Variants in C9 observed in about 807,000 individuals in gnomAD.
The protein encoded by C9 is complement component C9.
A neutral mutation model predicts 65.4 loss-of-function variants in C9; 63 were observed. The ratio of observed to expected loss-of-function variants is 0.96; its 90% CI spans 0.79 to 1.19. The LOEUF (loss-of-function observed/expected upper bound fraction) is 1.19, where lower values mean the gene tolerates loss of function less well. Among genes scored for constraint, C9 ranks in the 50% most tolerant of loss-of-function variants. C9 has a pLI of 0.00. For synonymous variants in C9, 229 were observed against 227.9 expected, an observed-to-expected ratio of 1.00 and a Z score of -0.04; for missense variants, 744 against 670.1, an observed-to-expected ratio of 1.11 and a Z score of -1.22.
At chr5:39,318,102 T>A (rs542943272) in intron 5 of C9, among the ~76,000 whole-genome samples, 3 of 152,218 alleles carry the variant, frequency 2.0e-5, no homozygotes, top group Admixed American at 2.0e-4. Context: ...ATGGGTTTTT[T>A]TTTTAGCAAT....
chr5:39,296,619 A>T lies in C9; in HGVS notation c.1417-7668T>A, dbSNP rs1753189945. Among the ~76,000 whole-genome samples, 4 of 151,774 alleles carry T rather than the reference A, an allele frequency of 2.6e-5. No homozygotes were observed. The South Asian group carries it at 8.3e-4, about 31-fold the overall frequency. On this transcript the variant is annotated intron_variant, in intron 9 of 10. Transcript: ENST00000263408. ...GCATTTATCCAAAGGAAAGAAAATA[A>T]GTATATAAAAGAGACATCCGCACCC...
At chr5:39,330,895 A>G (rs1335772584) in intron 5 of C9, among the ~76,000 whole-genome samples, 2 of 152,242 alleles carry the variant, frequency 1.3e-5, no homozygotes, top group African/African-American at 2.4e-5. Flanking sequence ...TTAAAAGCAT[A>G]CACATTTTTC....
intron 4 of C9, 103 bp from the exon 5 acceptor site, chr5:39,331,917 G>A (rs1011270160): frequency 3.6e-5 from 34 of 948,046 alleles, no homozygotes; most frequent in East Asian, 2.6e-4. Flanking sequence ...TCATGTCACC[G>A]TCACCCAATA....
rs760551649 is a variant in C9, at chr5:39,364,439, AC to A, written c.25del (p.Val9LeufsTer6). On this transcript the variant is annotated frameshift_variant, in exon 1 of 11. Coordinates refer to ENST00000263408, the MANE Select transcript of C9 (RefSeq NM_001737.5). LOFTEE classifies it high-confidence loss of function. Reference protein sequence around the residue: MSACRSFAVAICILEISIL... With the variant: MSACRSFAXAICILEISIL... ...GCTTATTTCTAAAATGCAGATTGCA[AC>A]TGCAAAGCTCCGGCAGGCTGACATG... is the stretch of plus-strand genomic sequence containing the variant. The A allele has an allele frequency of 1.2e-6, 2 of 1,609,276 alleles. No individual in the cohort carries two copies. The highest frequency in any genetic ancestry group is 2.2e-5 in the South Asian group (2 of 90,946).
chr5:39,328,951 T>A (rs887670486), intron 5 of C9, among the ~76,000 whole-genome samples: 1 of 152,180 alleles, frequency 6.6e-6, no homozygotes, highest in Non-Finnish European at 1.5e-5. Flanking sequence ...TTTGGCAGGA[T>A]TGGGGCGAAA....
chr5:39,317,268 T>C (rs551657310), intron 5 of C9, among the ~76,000 whole-genome samples: 1 of 152,278 alleles, frequency 6.6e-6, no homozygotes, highest in Admixed American at 6.5e-5. Context: ...GATGGATAGA[T>C]TGCAAAAATT....
rs773916123 is a variant in C9, at chr5:39,364,382, A to T, written c.77+6T>A. On this transcript the variant is annotated splice_donor_region_variant and intron_variant, in intron 1 of 10. Transcript: ENST00000263408. The stretch of plus-strand genomic sequence containing the variant: ...CCAGAGACAAGCAGAAAAGTAACTG[A>T]CTCACCTGGTCGTGTACTGTGCTGT... The T allele has an allele frequency of 1.3e-6, 2 of 1,546,260 alleles. No individual in the cohort carries two copies. The highest frequency in any genetic ancestry group is 1.8e-6 in the Non-Finnish European group (2 of 1,118,098).
chr5:39,289,836 T>G (rs1753056947), intron 9 of C9, among the ~76,000 whole-genome samples: 1 of 151,904 alleles, frequency 6.6e-6, no homozygotes, highest in Admixed American at 6.6e-5. Flanking sequence ...GTTAGGATTC[T>G]TATACCAATT....
At position 39,331,663 on chromosome 5, in the gene C9, C is replaced by G. The variant is rs373491623; in HGVS notation, c.615+13G>C. Reference sequence around the variant, plus strand: ...AAAAGTTGAACAATGTGTTTTCCTCCGAGGAGACTTACTTCATAGATCAAA... The same window carrying G: ...AAAAGTTGAACAATGTGTTTTCCTCGGAGGAGACTTACTTCATAGATCAAA... On this transcript the variant is annotated intron_variant, in intron 5 of 10. Transcript: ENST00000263408. The G allele has an allele frequency of 6.2e-7, 1 of 1,613,106 alleles. No homozygotes were observed. Among genetic ancestry groups the G allele is most frequent in the Admixed American group, 1.7e-5 (1 of 59,994 alleles).
intron 1 of C9, among the ~76,000 whole-genome samples, chr5:39,348,401 C>A (rs1277912981): frequency 3.3e-5 from 5 of 152,160 alleles, no homozygotes; most frequent in African/African-American, 1.2e-4. Context: ...ATTTATGCAA[C>A]CAACAGACAC....
At chr5:39,333,912 T>C (rs879279748) in intron 4 of C9, among the ~76,000 whole-genome samples, 2 of 152,180 alleles carry the variant, frequency 1.3e-5, no homozygotes, top group African/African-American at 2.4e-5. Flanking sequence ...GTTAACTCAG[T>C]GCTCAATGGT....
chr5:39,363,146 C>A (rs1394440667), intron 1 of C9, among the ~76,000 whole-genome samples: 3 of 152,158 alleles, frequency 2.0e-5, no homozygotes, highest in African/African-American at 4.8e-5. Flanking sequence ...GGAGCTAAAG[C>A]AACTTGGAGG....
chr5:39,315,923 A>G lies in C9; in HGVS notation c.722T>C (p.Leu241Pro), dbSNP rs1753561822. ...ATTTGTTTCAGTGGGTGTAAATTTT[A>G]GAGATATAGCTGCATTAAAATTTGA... is the stretch of plus-strand genomic sequence containing the variant. ...KTSNFNAAISLKFTPTETNKA... is the reference protein window; with the variant it reads ...KTSNFNAAISPKFTPTETNKA... Residue 241 changes from leucine to proline, a missense_variant, in exon 6 of 11, where the codon CTA becomes CCA. Transcript: ENST00000263408. 1 of 1,612,242 alleles carries G rather than the reference A, an allele frequency of 6.2e-7. No homozygotes were observed. The highest frequency in any genetic ancestry group is 8.5e-7 in the Non-Finnish European group (1 of 1,178,474).
chr5:39,346,039 A>G (rs1365018923), intron 1 of C9, among the ~76,000 whole-genome samples: 7 of 152,368 alleles, frequency 4.6e-5, no homozygotes, highest in Non-Finnish European at 8.8e-5. Flanking sequence ...AGGGAAATTT[A>G]TAGCACTAAA....
chr5:39,340,557 C>T (rs1168686548), intron 4 of C9, among the ~76,000 whole-genome samples: 5 of 152,204 alleles, frequency 3.3e-5, no homozygotes, highest in African/African-American at 1.2e-4. Context: ...TCTGAGCTTA[C>T]AGCCATCTGT....
At chr5:39,287,369 G>A (rs1753009127) in intron 10 of C9, among the ~76,000 whole-genome samples, 1 of 151,766 alleles carries the variant, frequency 6.6e-6, no homozygotes, top group East Asian at 1.9e-4. Flanking sequence ...TTTTGTATAT[G>A]GTAAGAGAAT....
At chr5:39,302,972 A>T (rs1753309822) in intron 9 of C9, among the ~76,000 whole-genome samples, 1 of 152,188 alleles carries the variant, frequency 6.6e-6, no homozygotes, top group South Asian at 2.1e-4. Flanking sequence ...CCTTTTAGTA[A>T]ATAAAACAGT....
rs1753991614 is a variant in C9, at chr5:39,337,513, T to G, written c.476+3633A>C. The stretch of plus-strand genomic sequence containing the variant: ...GGATGGAAAGTCATCACCTGGGAAA[T>G]AAAAAAAGAATATGTTCTTTGGCAG... On this transcript the variant is annotated intron_variant, in intron 4 of 10. Coordinates refer to ENST00000263408, the MANE Select transcript of C9 (RefSeq NM_001737.5). Among the ~76,000 whole-genome samples the G allele has an allele frequency of 3.9e-5, 6 of 152,102 alleles. No individual in the cohort carries two copies. The South Asian group carries it at 1.0e-3, about 26-fold the overall frequency.
rs1579859687 is a variant in C9, at chr5:39,325,575, C to T, written c.615+6101G>A. Among the ~76,000 whole-genome samples, 4 of 152,168 alleles carry T rather than the reference C, an allele frequency of 2.6e-5. No homozygotes were observed. In the South Asian group the frequency reaches 8.3e-4, roughly 32 times the overall value. The stretch of plus-strand genomic sequence containing the variant: ...GGATCATGATGTCAGGAGTTAGAGA[C>T]CAGCCTGACCAACATGGTGAAATCC... On this transcript the variant is annotated intron_variant, in intron 5 of 10. Coordinates refer to ENST00000263408, the MANE Select transcript of C9 (RefSeq NM_001737.5).
Sources: allele counts gnomAD v4.1 joint callset (sites outside exome capture counted in the v4.1 genomes callset), GRCh38; gene constraint gnomAD v4.1.1; transcripts MANE v1.5; gene names NCBI Gene and HGNC (gene_info 2026-07-23, HGNC 2026-07-21).